The following RFC4 variants were observed in gnomAD, a reference collection of about 807,000 sequenced individuals.
RFC4 encodes replication factor C subunit 4, also known as A1 37 kDa subunit.
In RFC4, 38 loss-of-function variants were observed where a neutral mutation model predicts 47.6. The ratio of observed to expected loss-of-function variants is 0.80; its 90% CI spans 0.62 to 1.05. The LOEUF (loss-of-function observed/expected upper bound fraction) is 1.05, where lower values mean the gene tolerates loss of function less well. RFC4 is among the 50% of genes least tolerant of loss of function. RFC4 has a pLI of 0.00. For synonymous variants in RFC4, 164 were observed against 150.0 expected (o/e 1.09, Z -0.68); for missense variants, 489 against 434.0 (o/e 1.13, Z -1.13).
rs182091810 is a variant in RFC4, at chr3:186,794,977, T to C, written c.291-200A>G. On this transcript the variant is annotated intron_variant, in intron 4 of 10. Transcript: ENST00000296273. ...TTTTTTCCATGCATTTAAAAAAATGTAGACATTACATAACATATACAATTT... is the reference window on the plus strand; with the variant it reads ...TTTTTTCCATGCATTTAAAAAAATGCAGACATTACATAACATATACAATTT... 1.0e-3 allele frequency: 595 copies of C among 575,648 alleles called. 2 individuals are homozygous for C. Among genetic ancestry groups the C allele is most frequent in the African/African-American group, 9.6e-3 (505 of 52,542 alleles). The allele number at this position is 575,648 out of a possible 1,614,324, so 35.7% of individuals were successfully genotyped here. A position where few individuals can be genotyped will look rare whatever the true frequency, so the allele number is the denominator to read the frequency against.
intron 4 of RFC4, 57 bp downstream of exon 4, chr3:186,797,478 C>T: frequency 8.9e-7 from 1 of 1,119,002 alleles, no homozygotes; most frequent in Non-Finnish European, 1.3e-6. Flanking sequence ...AAAGCAATAT[C>T]AGAGAATTTT....
intron 4 of RFC4, among the ~76,000 whole-genome samples, chr3:186,795,960 A>G (rs1722236307): frequency 6.6e-6 from 1 of 152,142 alleles, no homozygotes; most frequent in Admixed American, 6.5e-5. Context: ...GAGAAATTTG[A>G]GAAATCAAAA....
rs1403102824 is a variant in RFC4, at chr3:186,793,720, C to G, written c.411-773G>C. On this transcript the variant is annotated intron_variant, in intron 5 of 10. Transcript: ENST00000296273. The surrounding 1 kb of genome is among the most constrained non-coding windows in gnomAD (Gnocchi z 4.2). The stretch of plus-strand genomic sequence containing the variant: ...CATGCACGAAATGTCTATGCAGATC[C>G]TTTGCCTTTTTTTTTTTTTTGAGAT... Among the ~76,000 whole-genome samples the G allele has an allele frequency of 6.7e-6, 1 of 149,734 alleles. No homozygotes were observed. Among genetic ancestry groups the G allele is most frequent in the African/African-American group, 2.4e-5 (1 of 40,892 alleles).
intron 5 of RFC4, 119 bp downstream of exon 5, chr3:186,794,539 G>A: frequency 9.9e-7 from 1 of 1,006,368 alleles, no homozygotes; most frequent in Non-Finnish European, 1.5e-6. Context: ...CTTCTAACAT[G>A]AAAAGTTGAC....
intron 7 of RFC4, 81 bp downstream of exon 7, chr3:186,792,409 C>T: frequency 1.6e-6 from 2 of 1,279,382 alleles, no homozygotes; most frequent in Non-Finnish European, 2.2e-6. Context: ...AGGCAACACA[C>T]ATTTAAATCT....
rs1034853438 is a variant in RFC4, at chr3:186,791,968, A to T, written c.676-118T>A. 5.8e-6 allele frequency: 5 copies of T among 865,026 alleles called. No homozygotes were observed. In the East Asian group the frequency reaches 1.3e-4, roughly 23 times the overall value. 53.6% of individuals were successfully genotyped at this position (865,026 alleles called of 1,614,324 possible). ...TTTTAGTCTAGAGTTAATGAGAAAA[A>T]ACATTTCTGTTTTGGGAGAAAATAT... is the stretch of plus-strand genomic sequence containing the variant. On this transcript the variant is annotated intron_variant, in intron 7 of 10. Coordinates refer to ENST00000296273, the MANE Select transcript of RFC4 (RefSeq NM_002916.5).
chr3:186,792,600 G>C lies in RFC4; in HGVS notation c.565C>G (p.Pro189Ala). ...ICNYVSRIIE[P>A]LTSRCSKFRF... Reference sequence around the variant, plus strand: ...AATTTTGAACATCTAGAGGTCAGGGGTTCAATTATTCTGTGGAAGATGAGA... The same window carrying C: ...AATTTTGAACATCTAGAGGTCAGGGCTTCAATTATTCTGTGGAAGATGAGA... Residue 189 changes from proline (P) to alanine (A), a missense_variant, in exon 7 of 11, where the codon CCC becomes GCC. By Grantham distance (27) the Pro-to-Ala change is conservative (BLOSUM62 -1). This residue lies in a region of RFC4 where 206 missense variants were observed against 257.8 expected (regional missense o/e 0.80). Coordinates refer to ENST00000296273, the MANE Select transcript of RFC4 (RefSeq NM_002916.5). The C allele has an allele frequency of 6.2e-7, 1 of 1,613,466 alleles. No homozygotes were observed. Among genetic ancestry groups the C allele is most frequent in the East Asian group, 2.2e-5 (1 of 44,850 alleles).
intron 4 of RFC4, among the ~76,000 whole-genome samples, chr3:186,795,212 C>G (rs889447761): frequency 6.6e-6 from 1 of 152,136 alleles, no homozygotes; most frequent in Non-Finnish European, 1.5e-5. Context: ...CATTATGTGG[C>G]CAGGCTGGTC....
chr3:186,803,481 G>A lies in RFC4; in HGVS notation c.131+1102C>T, dbSNP rs144363003. ...CAACCAATAGTTACAATTACTTGTG[G>A]TAATATCACTTAGATGACTGACAAT... On this transcript the variant is annotated intron_variant, in intron 2 of 10. Coordinates refer to ENST00000296273, the MANE Select transcript of RFC4 (RefSeq NM_002916.5). Among the ~76,000 whole-genome samples, 613 of 152,192 alleles carry A rather than the reference G, an allele frequency of 4.0e-3. 4 individuals carry two copies. The highest frequency in any genetic ancestry group is 6.8e-3 in the Middle Eastern group (2 of 294).
intron 6 of RFC4, 82 bp from the exon 7 acceptor site, chr3:186,792,692 A>G (rs1722167609): frequency 1.3e-6 from 2 of 1,560,180 alleles, no homozygotes; most frequent in East Asian, 2.3e-5. Flanking sequence ...GAACAAATCA[A>G]GATTTGATGG....
intron 8 of RFC4, among the ~76,000 whole-genome samples, chr3:186,791,161 T>C (rs1351435321): frequency 6.6e-6 from 1 of 152,220 alleles, no homozygotes; most frequent in Non-Finnish European, 1.5e-5. Context: ...AAAATTGATT[T>C]AACTGCCAAA....
chr3:186,791,951 T>C, intron 7 of RFC4, 101 bp from the exon 8 acceptor site: 1 of 1,036,658 alleles, frequency 9.6e-7, no homozygotes, highest in Non-Finnish European at 1.4e-6. Context: ...TGTTTTAGTC[T>C]AGAGTTAATG....
chr3:186,801,235 T>C (rs1722345459), intron 2 of RFC4, 40 bp from the exon 3 acceptor site: 1 of 1,452,032 alleles, frequency 6.9e-7, no homozygotes, highest in South Asian at 1.1e-5. Flanking sequence ...ATTTAGTATA[T>C]TATAGTAGCC....
rs1560088567 is a variant in RFC4 at position 186,789,965 on chromosome 3, C to T, written c.*4G>A. ...ACAAAACCCCCCATCCAGATATATT[C>T]ACGTTAACAATTCTGAGATAACTGC... On this transcript the variant is annotated 3_prime_UTR_variant, in exon 11 of 11. Transcript: ENST00000296273. 6.3e-6 allele frequency: 10 copies of T among 1,576,014 alleles called. No homozygotes were observed. In the South Asian group the frequency reaches 1.1e-4, roughly 18 times the overall value.
At chr3:186,801,624 C>T (rs1207112940) in intron 2 of RFC4, among the ~76,000 whole-genome samples, 7 of 141,386 alleles carry the variant, frequency 5.0e-5, no homozygotes, top group African/African-American at 1.3e-4. Context: ...GGCAGGAGAA[C>T]GGCACGAACC....
intron 2 of RFC4, 152 bp from the exon 3 acceptor site, chr3:186,801,347 A>G: frequency 1.6e-6 from 1 of 623,036 alleles, no homozygotes; most frequent in Non-Finnish European, 2.9e-6. Flanking sequence ...ATAGGTGGAA[A>G]CCCCACTTGT....
At position 186,790,258 on chromosome 3, in the gene RFC4, A is replaced by G. The variant is rs1361891412; in HGVS notation, c.883-3T>C. 9 of 1,612,218 alleles carry G rather than the reference A, an allele frequency of 5.6e-6. No homozygotes were observed. The highest frequency in any genetic ancestry group is 7.6e-6 in the Non-Finnish European group (9 of 1,178,628). ...GCATGACCCTCATCTATTAAATCCT[A>G]TAATAAAAAAAACTTTTGGTATGAT... On this transcript the variant is annotated splice_polypyrimidine_tract_variant and splice_region_variant and intron_variant, in intron 9 of 10. Coordinates refer to ENST00000296273, the MANE Select transcript of RFC4 (RefSeq NM_002916.5).
chr3:186,800,492 T>C (rs1345017153), intron 3 of RFC4, among the ~76,000 whole-genome samples: 1 of 152,222 alleles, frequency 6.6e-6, no homozygotes, highest in Admixed American at 6.5e-5. Context: ...AGCACTTTAC[T>C]GAGCTGTTAA....
intron 3 of RFC4, among the ~76,000 whole-genome samples, chr3:186,800,427 G>A (rs1054484887): frequency 1.3e-5 from 2 of 152,212 alleles, no homozygotes; most frequent in East Asian, 1.9e-4. Flanking sequence ...AAAGCAGCCA[G>A]ATTGAGAGGA....
Sources: gnomAD v4.1 joint callset for allele counts (sites outside exome capture counted in the v4.1 genomes callset) on GRCh38, gnomAD v4.1.1 for gene constraint, gnomAD v4.1.1 regional missense constraint, Gnocchi (gnomAD v3.1) non-coding constraint, MANE v1.5 for transcripts, NCBI Gene and HGNC (gene_info 2026-07-23, HGNC 2026-07-21) for gene names.